The following HID1 variants were observed in gnomAD, a reference collection of about 807,000 sequenced individuals.
The protein encoded by HID1 is HID1 domain containing, also known as protein HID1.
HID1 carries 42 observed loss-of-function variants against 89.7 expected under a neutral mutation model. That is an observed-to-expected ratio of 0.47 (90% CI 0.37 to 0.61). HID1 has a LOEUF of 0.61. HID1 is among the 20% of genes least tolerant of loss of function. The pLI is 0.00. For synonymous variants in HID1, 442 were observed against 433.8 expected, an observed-to-expected ratio of 1.02 and a Z score of -0.24; for missense variants, 854 against 1,039.3, an observed-to-expected ratio of 0.82 and a Z score of 2.45.
chr17:74,953,434 GC>G lies in HID1; in HGVS notation c.1971+110del, dbSNP rs1395646870. ...CTAATGCCCTGGGCACTGGGTAACT[GC>G]CCCTCTGCTGCAGGTGACCCCAGAG... On this transcript the variant is annotated intron_variant, in intron 15 of 18. Transcript: ENST00000425042. 1.9e-5 allele frequency: 15 copies of G among 801,738 alleles called. 1 individual carries two copies. Among genetic ancestry groups the G allele is most frequent in the Non-Finnish European group, 3.0e-5 (15 of 493,444 alleles). The allele number at this position is 801,738 out of a possible 1,614,324, so 49.7% of individuals were successfully genotyped here. A position where few individuals can be genotyped will look rare whatever the true frequency, so the allele number is the denominator to read the frequency against.
chr17:74,965,095 G>A (rs1340280963), intron 1 of HID1, among the ~76,000 whole-genome samples: 1 of 152,200 alleles, frequency 6.6e-6, no homozygotes, highest in East Asian at 1.9e-4. Flanking sequence ...ACAGGCCTCC[G>A]GCTCTGCCCT....
chr17:74,970,512 C>T (rs537022944), intron 1 of HID1, among the ~76,000 whole-genome samples: 1 of 152,296 alleles, frequency 6.6e-6, no homozygotes, highest in South Asian at 2.1e-4. Context: ...CCCTCCAGAG[C>T]CCCACCTACT....
chr17:74,972,563 T>C lies in HID1; in HGVS notation c.66+28A>G. 1 of 1,538,684 alleles carries C rather than the reference T, an allele frequency of 6.5e-7. No individual in the cohort carries two copies. The highest frequency in any genetic ancestry group is 8.8e-7 in the Non-Finnish European group (1 of 1,139,536). On this transcript the variant is annotated intron_variant, in intron 1 of 18. Transcript: ENST00000425042. The surrounding 1 kb of genome is among the most constrained non-coding windows in gnomAD (Gnocchi z 6.4). ...CCCAGCCCCCAGCCCGGCAGGTGGA[T>C]GGGGACGCCGGGGCCCCCGTGGCGC...
rs1305744444 is a variant in HID1 at position 74,969,925 on chromosome 17, T to TC, written c.66+2665_66+2666insG. On this transcript the variant is annotated intron_variant, in intron 1 of 18. Transcript: ENST00000425042. ...CAAAATCAGATTTTTCTTTTTTCTT[T>TC]TTTTTTTTTTTTTTTGAGGCAGAGT... Among the ~76,000 whole-genome samples, 276 of 142,042 alleles carry TC rather than the reference T, an allele frequency of 1.9e-3. 1 individual carries two copies. The highest frequency in any genetic ancestry group is 3.4e-3 in the Non-Finnish European group (223 of 65,012). The allele number at this position is 142,042 out of a possible 152,430, so 93.2% of individuals were successfully genotyped here. A position where few individuals can be genotyped will look rare whatever the true frequency, so the allele number is the denominator to read the frequency against.
At position 74,963,872 on chromosome 17, in the gene HID1, G is replaced by T. The variant is rs753193891; in HGVS notation, c.255C>A (p.Cys85Ter). The stretch of plus-strand genomic sequence containing the variant: ...CGATCTGCTTCTCCTTCTCCGAGTG[G>T]CAGCCACTCTCAGCTCCCTGCACCA... ...EKLVQGAESG[C>*]HSEKEKQIVL... is the part of the protein sequence containing the mutation. Residue 85 changes from cysteine to a stop codon, truncating the protein, a stop_gained, in exon 3 of 19, where the codon TGC becomes TGA. Coordinates refer to ENST00000425042, the MANE Select transcript of HID1 (RefSeq NM_030630.3). LOFTEE classifies it high-confidence loss of function. 1 of 1,613,038 alleles carries T rather than the reference G, an allele frequency of 6.2e-7. No individual in the cohort carries two copies.
chr17:74,962,053 C>T lies in HID1; in HGVS notation c.612-64G>A. The T allele has an allele frequency of 7.7e-7, 1 of 1,300,334 alleles. No individual in the cohort carries two copies. The highest frequency in any genetic ancestry group is 1.0e-6 in the Non-Finnish European group (1 of 953,222). The allele number at this position is 1,300,334 out of a possible 1,614,324, so 80.5% of individuals were successfully genotyped here. The stretch of plus-strand genomic sequence containing the variant: ...TCCCCTCTTGGAGGTTCTGCCCACC[C>T]AGCCCAGCGCCCCAGCCCAGGTCCA... On this transcript the variant is annotated intron_variant, in intron 5 of 18. Transcript: ENST00000425042. This position sits in a 1 kb window ranked among gnomAD's most constrained non-coding sequence, Gnocchi z 4.3.
chr17:74,963,979 G>T, intron 2 of HID1, 69 bp from the exon 3 acceptor site: 1 of 1,559,184 alleles, frequency 6.4e-7, no homozygotes. Context: ...TTGGGGTCAG[G>T]GTGGGCACCC....
chr17:74,951,608 C>T lies in HID1; in HGVS notation c.2329G>A (p.Asp777Asn), dbSNP rs2039299698. ...LRNVDPPVWY[D>N]TDVKLFEIQR... The stretch of plus-strand genomic sequence containing the variant: ...ATCTCAAACAGCTTCACGTCGGTGT[C>T]GTACCAGACAGGGGGGTCCACATTC... Residue 777 changes from aspartate (D) to asparagine (N), a missense_variant, in exon 19 of 19, where the codon GAC becomes AAC. By Grantham distance (23) the Asp-to-Asn change is conservative (BLOSUM62 1). Coordinates refer to ENST00000425042, the MANE Select transcript of HID1 (RefSeq NM_030630.3). 3 of 1,612,762 alleles carry T rather than the reference C, an allele frequency of 1.9e-6. No homozygotes were observed. Among genetic ancestry groups the T allele is most frequent in the Non-Finnish European group, 2.5e-6 (3 of 1,179,582 alleles).
rs1280811539 is a variant in HID1, at chr17:74,952,025, T to C, written c.2183A>G (p.Gln728Arg). The C allele has an allele frequency of 6.4e-7, 1 of 1,559,248 alleles. No homozygotes were observed. The highest frequency in any genetic ancestry group is 8.7e-7 in the Non-Finnish European group (1 of 1,151,144). The stretch of plus-strand genomic sequence containing the variant: ...CAGCAGCCCCACCAGGGTGCCATGC[T>C]GCAGGAACCGCAGGATCTCAGACTC... ...TDESEILRFL[Q>R]HGTLVGLLPV... The change falls in exon 18 of 19, where the codon CAG (glutamine) becomes CGG (arginine). Residue 728 changes from glutamine (Q) to arginine (R), a missense_variant. Coordinates refer to ENST00000425042, the MANE Select transcript of HID1 (RefSeq NM_030630.3).
At chr17:74,965,631 A>G (rs916606721) in intron 1 of HID1, among the ~76,000 whole-genome samples, 4 of 152,124 alleles carry the variant, frequency 2.6e-5, no homozygotes, top group Admixed American at 1.3e-4. Context: ...AAAAACACAC[A>G]TGCCCAGCCA....
rs770870619 is a variant in HID1, at chr17:74,958,853, C to T, written c.1149+58G>A. The T allele has an allele frequency of 2.9e-5, 46 of 1,581,568 alleles. No individual in the cohort carries two copies. The highest frequency in any genetic ancestry group is 9.0e-5 in the East Asian group (4 of 44,490). ...CTCAGTCTGACACTGTCCCTGCCCCCGGGTTATTGGGGCAGCTGCTCTCCA... is the reference window on the plus strand; with the variant it reads ...CTCAGTCTGACACTGTCCCTGCCCCTGGGTTATTGGGGCAGCTGCTCTCCA... On this transcript the variant is annotated intron_variant, in intron 9 of 18. Coordinates refer to ENST00000425042, the MANE Select transcript of HID1 (RefSeq NM_030630.3). This position sits in a 1 kb window ranked among gnomAD's most constrained non-coding sequence, Gnocchi z 5.2.
chr17:74,968,864 C>T (rs1159184394), intron 1 of HID1, among the ~76,000 whole-genome samples: 4 of 152,232 alleles, frequency 2.6e-5, no homozygotes, highest in Non-Finnish European at 4.4e-5. Flanking sequence ...GCAGTGTCAC[C>T]GGGGGACTAA....
At chr17:74,964,321 G>C (rs1465386154) in intron 2 of HID1, 162 bp downstream of exon 2, 1 of 768,628 alleles carries the variant, frequency 1.3e-6, no homozygotes, top group African/African-American at 1.8e-5. Flanking sequence ...CGGCTGCCGT[G>C]GTCCCAACGC....
chr17:74,966,154 G>A (rs1286742827), intron 1 of HID1, among the ~76,000 whole-genome samples: 5 of 150,776 alleles, frequency 3.3e-5, no homozygotes, highest in East Asian at 3.9e-4. Flanking sequence ...GCATGGTGAC[G>A]GGTGCCTGTA....
chr17:74,957,909 A>C (rs2039414908), intron 12 of HID1: 1 of 555,798 alleles, frequency 1.8e-6, no homozygotes, highest in Non-Finnish European at 3.2e-6. Context: ...GGGAATATTA[A>C]ATATCTCATT....
In HID1 at chr17:74,959,725, A is replaced by G. The variant is rs1339965128; in HGVS notation, c.1008+156T>C. ...AGGTGAGGCCATCAGCCCTTCCTGC[A>G]TCTTGAAACCCTCACAGTCCTGCCA... On this transcript the variant is annotated intron_variant, in intron 8 of 18. Coordinates refer to ENST00000425042, the MANE Select transcript of HID1 (RefSeq NM_030630.3). The surrounding 1 kb of genome is among the most constrained non-coding windows in gnomAD (Gnocchi z 4.6). Among the ~76,000 whole-genome samples the G allele has an allele frequency of 6.6e-6, 1 of 152,046 alleles. No individual in the cohort carries two copies. Among genetic ancestry groups the G allele is most frequent in the Non-Finnish European group, 1.5e-5 (1 of 67,998 alleles).
Position 74,962,708 on chromosome 17 carries a change from G to A in HID1, c.504+257C>T, listed in dbSNP as rs2039501435. ...CAAGAGGGCCAGCCCTCCTGTGTCT[G>A]AGCCCCACACCCCTGGGCAAGCAAA... On this transcript the variant is annotated intron_variant, in intron 4 of 18. Coordinates refer to ENST00000425042, the MANE Select transcript of HID1 (RefSeq NM_030630.3). This position sits in a 1 kb window ranked among gnomAD's most constrained non-coding sequence, Gnocchi z 4.3. Among the ~76,000 whole-genome samples, 1 of 152,126 alleles carries A rather than the reference G, an allele frequency of 6.6e-6. No individual in the cohort carries two copies. Among genetic ancestry groups the A allele is most frequent in the African/African-American group, 2.4e-5 (1 of 41,422 alleles).
intron 1 of HID1, 137 bp from the exon 2 acceptor site, chr17:74,964,769 A>T: frequency 1.2e-6 from 1 of 845,202 alleles, no homozygotes; most frequent in Non-Finnish European, 1.8e-6. Context: ...GCCATCCCAC[A>T]TGGGTGGGGG....
intron 6 of HID1, among the ~76,000 whole-genome samples, chr17:74,960,727 G>A (rs537886363): frequency 3.3e-5 from 5 of 152,338 alleles, no homozygotes; most frequent in African/African-American, 1.2e-4. Context: ...GGTGGAGGGG[G>A]TCGCCTGGCT....
Sources: gnomAD v4.1 joint callset for allele counts (sites outside exome capture counted in the v4.1 genomes callset) on GRCh38, gnomAD v4.1.1 for gene constraint, Gnocchi (gnomAD v3.1) non-coding constraint, MANE v1.5 for transcripts, NCBI Gene and HGNC (gene_info 2026-07-23, HGNC 2026-07-21) for gene names.